The following MAP7D2 variants were observed in gnomAD, a reference collection of about 807,000 sequenced individuals.
MAP7D2 encodes the protein MAP7 domain containing 2, also known as MAP7 domain-containing protein 2.
A neutral mutation model predicts 63.5 loss-of-function variants in MAP7D2; 33 were observed. The ratio of observed to expected loss-of-function variants is 0.52; its 90% CI spans 0.39 to 0.70. MAP7D2 has a LOEUF of 0.70. Ranked by LOEUF, MAP7D2 falls within the 30% of genes least tolerant of loss-of-function variation. The probability of loss-of-function intolerance (pLI) is 0.00; values close to 1 mark genes in which losing one functional copy is unlikely to be tolerated. For missense variants in MAP7D2, 626 were observed against 604.0 expected, an observed-to-expected ratio of 1.04 and a Z score of -0.38; for synonymous variants, 224 against 223.7, an observed-to-expected ratio of 1.00 and a Z score of -0.01.
chrX:20,082,415 G>A (rs2065799242), intron 1 of MAP7D2, among the ~76,000 whole-genome samples: 1 of 111,264 alleles, frequency 9.0e-6, no homozygotes, highest in South Asian at 3.8e-4. Context: ...CAACAATTGG[G>A]AGACAGGTTA....
chrX:20,095,759 T>C (rs895693842), intron 1 of MAP7D2, among the ~76,000 whole-genome samples: 8 of 111,727 alleles, frequency 7.2e-5, no homozygotes, highest in Non-Finnish European at 1.3e-4. Flanking sequence ...GTGGTATATC[T>C]ATGCAAAGAA....
intron 1 of MAP7D2, among the ~76,000 whole-genome samples, chrX:20,099,684 T>C (rs1376414485): frequency 8.9e-6 from 1 of 112,075 alleles, no homozygotes; most frequent in African/African-American, 3.2e-5. Flanking sequence ...CTTGGAGTCT[T>C]TCCTTCTGTA....
intron 3 of MAP7D2, among the ~76,000 whole-genome samples, chrX:20,059,625 AGGGT>A (rs752129785): frequency 0.014 from 1,188 of 83,506 alleles, 6 homozygotes; most frequent in African/African-American, 0.027. Context: ...GAAGGAAGGA[AGGGT>A]GGAAGGAAGG....
intron 3 of MAP7D2, 103 bp from the exon 4 acceptor site, chrX:20,056,894 C>A: frequency 1.4e-6 from 1 of 713,337 alleles, no homozygotes; most frequent in Non-Finnish European, 2.1e-6. Flanking sequence ...ATGGGGCTTT[C>A]TGTGCTCAGC....
chrX:20,100,297 G>C (rs1379519535), intron 1 of MAP7D2, among the ~76,000 whole-genome samples: 1 of 111,842 alleles, frequency 8.9e-6, no homozygotes, highest in Non-Finnish European at 1.9e-5. Flanking sequence ...ATCTCCACCA[G>C]TATAGCTACA....
chrX:20,082,443 T>G (rs557699627), intron 1 of MAP7D2, among the ~76,000 whole-genome samples: 8 of 111,605 alleles, frequency 7.2e-5, no homozygotes, highest in African/African-American at 2.6e-4. Context: ...TTTTGAAAGT[T>G]AGAACCCCTG....
chrX:20,050,446 T>A lies in MAP7D2; in HGVS notation c.718+378A>T, dbSNP rs1210384483. On this transcript the variant is annotated intron_variant, in intron 6 of 16. Transcript: ENST00000379643. ...TCTTATAGATGAGAAAACTGAGGCT[T>A]AAAGAAGTTAATTAACTTACCCCCA... Among the ~76,000 whole-genome samples, 4 of 112,031 alleles carry A rather than the reference T, an allele frequency of 3.6e-5. No individual in the cohort carries two copies. In the Admixed American group the frequency reaches 3.8e-4, roughly 11 times the overall value.
In MAP7D2 at chrX:20,044,433, A is replaced by C. The variant is rs148499266; in HGVS notation, c.810T>G (p.Ala270=). 59 of 1,209,366 alleles carry C rather than the reference A, an allele frequency of 4.9e-5. No individual in the cohort carries two copies. The African/African-American group carries it at 9.4e-4, about 19-fold the overall frequency. ...CTGCACCAGATGTAGACGTAGATGT[A>C]GCTTTCTTCTTCTCAATGTTTCGAG... is the stretch of plus-strand genomic sequence containing the variant. ...SPTRNIEKKK[A]TSTSTSGAGD... The change falls in exon 7 of 17, where the codon GCT becomes GCG. Residue 270 remains alanine (A), a synonymous_variant. Coordinates refer to ENST00000379643, the MANE Select transcript of MAP7D2 (RefSeq NM_001168465.2).
At chrX:20,018,921 G>A (rs1967198315) in intron 10 of MAP7D2, among the ~76,000 whole-genome samples, 1 of 111,542 alleles carries the variant, frequency 9.0e-6, no homozygotes, top group Non-Finnish European at 1.9e-5. Flanking sequence ...CAGCACATTA[G>A]ATTTCATCAT....
Position 20,063,524 on chromosome X carries a change from C to G in MAP7D2, c.262G>C (p.Glu88Gln). The G allele has an allele frequency of 1.7e-6, 2 of 1,212,096 alleles. No homozygotes were observed. The highest frequency in any genetic ancestry group is 1.8e-5 in the South Asian group (1 of 57,020). ...CGCCATCGCTCCTCCATTTGCTTTT[C>G]GTACTGCAGCCTGGCTCTTTTCTGT... ...EKQKRARLQY[E>Q]KQMEERWRKL... Residue 88 changes from glutamate to glutamine, a missense_variant, in exon 3 of 17, where the codon GAA (glutamate) becomes CAA (glutamine). Transcript: ENST00000379643.
rs1333753597 is a variant in MAP7D2, at chrX:20,024,955, C to T, written c.1408G>A (p.Asp470Asn). The change falls in exon 10 of 17, where the codon GAT becomes AAT. Residue 470 changes from aspartate (D) to asparagine (N), a missense_variant. Asp to Asn is a conservative substitution (Grantham distance 23). Transcript: ENST00000379643. ...AAATTCTGAGCACTAGCATACCTAT[C>T]TTGTTCTTCCTTCTCCAGTCGTTCT... is the stretch of plus-strand genomic sequence containing the variant. Reference protein sequence around the residue: ...EQERLEKEEQDRLEREELKRK... With the variant: ...EQERLEKEEQNRLEREELKRK... The T allele has an allele frequency of 8.3e-7, 1 of 1,210,253 alleles. No individual in the cohort carries two copies. The highest frequency in any genetic ancestry group is 2.2e-5 in the Admixed American group (1 of 45,838).
At chrX:20,009,220 G>C (rs916834471) in intron 16 of MAP7D2, among the ~76,000 whole-genome samples, 2 of 111,436 alleles carry the variant, frequency 1.8e-5, no homozygotes, top group African/African-American at 6.5e-5. Context: ...AAAAAACACA[G>C]TGACCTCAGC....
At chrX:20,106,731 T>C (rs2066576900) in intron 1 of MAP7D2, among the ~76,000 whole-genome samples, 1 of 112,242 alleles carries the variant, frequency 8.9e-6, no homozygotes, top group South Asian at 3.7e-4. Flanking sequence ...AGATATCTCA[T>C]TAATAACGTT....
At position 20,007,627 on chromosome X, in the gene MAP7D2, G is replaced by A. The variant is rs1417621028; in HGVS notation, c.*798C>T. On this transcript the variant is annotated 3_prime_UTR_variant, in exon 17 of 17. Coordinates refer to ENST00000379643, the MANE Select transcript of MAP7D2 (RefSeq NM_001168465.2). ...AACATTGAAAACCAACCACCTGCAC[G>A]CGAGACATAGGATTCATTCAGCTGG... 2 of 111,366 alleles carry A rather than the reference G, an allele frequency of 1.8e-5. No homozygotes were observed. The highest frequency in any genetic ancestry group is 3.8e-5 in the Non-Finnish European group (2 of 53,032). The allele number at this position is 111,366 out of a possible 1,213,427, so 9.2% of individuals were successfully genotyped here.
At chrX:20,063,690 C>T (rs1413287880) in intron 2 of MAP7D2, 113 bp from the exon 3 acceptor site, 13 of 829,072 alleles carry the variant, frequency 1.6e-5, no homozygotes, top group Non-Finnish European at 2.0e-5. Context: ...CTGGTAGGAT[C>T]CTAGCATGCA....
At chrX:20,047,352 C>T (rs1380666464) in intron 6 of MAP7D2, among the ~76,000 whole-genome samples, 1 of 112,139 alleles carries the variant, frequency 8.9e-6, no homozygotes, top group Non-Finnish European at 1.9e-5. Flanking sequence ...GATCATAGTT[C>T]CTATGTGCGT....
At chrX:20,056,143 A>G (rs1478521842) in intron 4 of MAP7D2, among the ~76,000 whole-genome samples, 1 of 112,107 alleles carries the variant, frequency 8.9e-6, no homozygotes, top group African/African-American at 3.2e-5. Context: ...TCCAGAGACT[A>G]GTAACAATCC....
intron 3 of MAP7D2, among the ~76,000 whole-genome samples, chrX:20,059,628 G>A (rs542351675): frequency 2.2e-3 from 136 of 62,855 alleles, no homozygotes; most frequent in African/African-American, 7.0e-3. Flanking sequence ...GGAAGGAAGG[G>A]TGGAAGGAAG....
chrX:20,067,618 C>G (rs1473425520), intron 1 of MAP7D2, among the ~76,000 whole-genome samples: 2 of 111,684 alleles, frequency 1.8e-5, no homozygotes, highest in African/African-American at 6.5e-5. Context: ...AAGAAACTGG[C>G]TTCAGGACCC....
Sources: gnomAD v4.1 joint callset for allele counts (sites outside exome capture counted in the v4.1 genomes callset) on GRCh38, gnomAD v4.1.1 for gene constraint, MANE v1.5 for transcripts, NCBI Gene and HGNC (gene_info 2026-07-23, HGNC 2026-07-21) for gene names.